The following GRM8 variants were observed in gnomAD, a reference collection of about 807,000 sequenced individuals.
GRM8 encodes the protein metabotropic glutamate receptor 8.
A neutral mutation model predicts 87.2 loss-of-function variants in GRM8; 47 were observed. That is an observed-to-expected ratio of 0.54 (90% CI 0.43 to 0.69). GRM8 has a LOEUF of 0.69. Among genes scored for constraint, GRM8 ranks in the 30% least tolerant of loss-of-function variants. The pLI, the probability that GRM8 is intolerant of heterozygous loss-of-function variation, is 0.00. For missense variants in GRM8, 1,019 were observed against 1,139.2 expected (o/e 0.89, Z 1.52); for synonymous variants, 396 against 404.5 (o/e 0.98, Z 0.25).
chr7:126,968,971 CAT>C (rs1444565409), intron 3 of GRM8, among the ~76,000 whole-genome samples: 6 of 152,120 alleles, frequency 3.9e-5, no homozygotes, highest in Non-Finnish European at 8.8e-5. Context: ...TAAAGTGAGT[CAT>C]GTGAACTTTT....
At chr7:126,998,369 A>G (rs1235784103) in intron 3 of GRM8, among the ~76,000 whole-genome samples, 1 of 151,780 alleles carries the variant, frequency 6.6e-6, no homozygotes, top group East Asian at 1.9e-4. Context: ...AAGAACTCCA[A>G]TGTCACCACT....
chr7:126,443,920 C>T (rs1376418164), intron 10 of GRM8, among the ~76,000 whole-genome samples: 1 of 151,800 alleles, frequency 6.6e-6, no homozygotes, highest in Non-Finnish European at 1.5e-5. Flanking sequence ...TTTTTCAGGG[C>T]ATGTATTTAT....
intron 7 of GRM8, among the ~76,000 whole-genome samples, chr7:126,701,068 C>T (rs1809869956): frequency 6.6e-6 from 1 of 151,194 alleles, no homozygotes; most frequent in African/African-American, 2.4e-5. Context: ...TATATATAAC[C>T]AATAATTACC....
chr7:126,881,782 T>C (rs919403849), intron 6 of GRM8, among the ~76,000 whole-genome samples: 1 of 152,214 alleles, frequency 6.6e-6, no homozygotes, highest in African/African-American at 2.4e-5. Flanking sequence ...GTTTGTATAA[T>C]AGTCCTGGAC....
At chr7:126,773,121 A>T (rs765013596) in intron 6 of GRM8, among the ~76,000 whole-genome samples, 13 of 152,124 alleles carry the variant, frequency 8.5e-5, no homozygotes, top group Admixed American at 2.0e-4. Context: ...CAATAATGGC[A>T]GAGGGAAATC....
chr7:126,979,629 A>G (rs913312262), intron 3 of GRM8, among the ~76,000 whole-genome samples: 1 of 152,176 alleles, frequency 6.6e-6, no homozygotes, highest in African/African-American at 2.4e-5. Flanking sequence ...GAAAGCCTCT[A>G]GTTCTCTAAC....
intron 7 of GRM8, among the ~76,000 whole-genome samples, chr7:126,681,016 T>C (rs1056663232): frequency 2.6e-5 from 4 of 152,200 alleles, no homozygotes; most frequent in African/African-American, 9.7e-5. Context: ...TTTTTAGAGT[T>C]TAATAAGAAG....
In GRM8 at chr7:126,559,956, T is replaced by A. The variant is rs141735288; in HGVS notation, c.1495-26069A>T. 1.3e-3 allele frequency among the ~76,000 whole-genome samples: 195 copies of A among 152,348 alleles called. 1 individual carries two copies. The highest frequency in any genetic ancestry group is 4.5e-3 in the African/African-American group (186 of 41,586). On this transcript the variant is annotated intron_variant, in intron 8 of 10. Transcript: ENST00000339582. ...GCATCAGTAATTGTGTCAACAGACA[T>A]GATCATTTTATGATCTGAGAAAGCT... is the stretch of plus-strand genomic sequence containing the variant.
At chr7:126,887,192 A>G (rs1245278811) in intron 6 of GRM8, among the ~76,000 whole-genome samples, 1 of 152,150 alleles carries the variant, frequency 6.6e-6, no homozygotes, top group African/African-American at 2.4e-5. Flanking sequence ...TACATCAGAC[A>G]TAGGAAAGGA....
At chr7:127,012,359 C>A (rs1176053582) in intron 3 of GRM8, among the ~76,000 whole-genome samples, 4 of 152,070 alleles carry the variant, frequency 2.6e-5, no homozygotes, top group Non-Finnish European at 4.4e-5. Flanking sequence ...CAATAAGAAA[C>A]AAAGAAGAGC....
chr7:126,988,213 A>G (rs899607414), intron 3 of GRM8, among the ~76,000 whole-genome samples: 3 of 152,224 alleles, frequency 2.0e-5, no homozygotes, highest in Admixed American at 2.0e-4. Context: ...ATCACCCTTC[A>G]TGCGAAATGA....
At chr7:126,642,626 C>T (rs28428538) in intron 7 of GRM8, among the ~76,000 whole-genome samples, 46,716 of 151,440 alleles carry the variant, frequency 0.31, 8,070 homozygotes, top group East Asian at 0.44. Context: ...GGTGACAGAG[C>T]GAGACTCCAT....
chr7:126,734,271 T>C (rs1813944736), intron 7 of GRM8, among the ~76,000 whole-genome samples: 1 of 151,888 alleles, frequency 6.6e-6, no homozygotes, highest in Non-Finnish European at 1.5e-5. Flanking sequence ...TCCAGTTAAG[T>C]GGATAAATTT....
chr7:126,551,956 A>G (rs191599994), intron 8 of GRM8, among the ~76,000 whole-genome samples: 6 of 152,120 alleles, frequency 3.9e-5, no homozygotes, highest in African/African-American at 1.4e-4. Context: ...CTCTTTCCCA[A>G]TCTACCTTTT....
At chr7:127,232,935 T>C (rs1797776292) in intron 2 of GRM8, among the ~76,000 whole-genome samples, 1 of 152,082 alleles carries the variant, frequency 6.6e-6, no homozygotes, top group Non-Finnish European at 1.5e-5. Context: ...TCTCCCAGGT[T>C]CAAGTGATTC....
At chr7:126,714,219 G>A (rs1811456217) in intron 7 of GRM8, among the ~76,000 whole-genome samples, 1 of 150,150 alleles carries the variant, frequency 6.7e-6, no homozygotes, top group African/African-American at 2.4e-5. Context: ...CAGAGGTTGT[G>A]GTGAGCCTAG....
chr7:126,775,501 T>TTTTGTTTTG (rs1819362640), intron 6 of GRM8, among the ~76,000 whole-genome samples: 1 of 115,826 alleles, frequency 8.6e-6, no homozygotes, highest in African/African-American at 2.9e-5. Context: ...TTTTTTTTTT[T>TTTTGTTTTG]TTTTTTTACT....
intron 7 of GRM8, among the ~76,000 whole-genome samples, chr7:126,723,011 CAT>C (rs949895654): frequency 1.8e-4 from 26 of 141,492 alleles, no homozygotes; most frequent in African/African-American, 6.3e-4. Context: ...ATATAATTTA[CAT>C]ATATATAAAT....
At chr7:126,442,136 A>G (rs922677649) in intron 10 of GRM8, among the ~76,000 whole-genome samples, 6 of 151,920 alleles carry the variant, frequency 3.9e-5, no homozygotes, top group Admixed American at 3.3e-4. Context: ...TGGAAGAACC[A>G]ATATAGAACC....
Sources: gnomAD v4.1 joint callset for allele counts (sites outside exome capture counted in the v4.1 genomes callset) on GRCh38, gnomAD v4.1.1 for gene constraint, MANE v1.5 for transcripts, NCBI Gene and HGNC (gene_info 2026-07-23, HGNC 2026-07-21) for gene names.